The following POLR2K variants were observed in gnomAD, a reference collection of about 807,000 sequenced individuals.
POLR2K encodes the protein DNA-directed RNA polymerases I, II, and III subunit RPABC4.
In POLR2K, 9 loss-of-function variants were observed where a neutral mutation model predicts 10.1. The observed-to-expected ratio is 0.89, with a 90% confidence interval of 0.54 to 1.56. The LOEUF (loss-of-function observed/expected upper bound fraction) is 1.56. POLR2K is among the 40% of genes most tolerant of loss of function. The pLI is 0.00. For synonymous variants in POLR2K, 19 were observed against 20.3 expected, an observed-to-expected ratio of 0.94 and a Z score of 0.17; for missense variants, 53 against 71.9, an observed-to-expected ratio of 0.74 and a Z score of 0.95.
chr8:100,152,550 A>G (rs922841104), intron 3 of POLR2K, among the ~76,000 whole-genome samples: 1 of 152,182 alleles, frequency 6.6e-6, no homozygotes, highest in Non-Finnish European at 1.5e-5. Context: ...TGGGCATACA[A>G]ATTGTTCAAA....
intron 1 of POLR2K, among the ~76,000 whole-genome samples, chr8:100,150,927 G>T (rs767319725): frequency 6.6e-6 from 1 of 152,174 alleles, no homozygotes; most frequent in Non-Finnish European, 1.5e-5. Flanking sequence ...CCTGTTGAGG[G>T]ATATAATTTT....
chr8:100,152,827 G>A (rs1269386469), intron 3 of POLR2K, among the ~76,000 whole-genome samples: 9 of 151,948 alleles, frequency 5.9e-5, no homozygotes, highest in Admixed American at 5.9e-4. Context: ...GTGCAGTGAC[G>A]CAATCTCGGC....
chr8:100,153,502 C>T lies in POLR2K; in HGVS notation c.*186C>T. Reference sequence around the variant, plus strand: ...CCAAACCTTTATACACTGTTTTTTCCATATATATATACCTATGATAAAGTA... The same window carrying T: ...CCAAACCTTTATACACTGTTTTTTCTATATATATATACCTATGATAAAGTA... On this transcript the variant is annotated 3_prime_UTR_variant, in exon 4 of 4. Transcript: ENST00000353107. 6.0e-6 allele frequency: 3 copies of T among 497,416 alleles called. No individual in the cohort carries two copies. The highest frequency in any genetic ancestry group is 1.1e-5 in the Non-Finnish European group (3 of 281,964). The allele number at this position is 497,416 out of a possible 1,614,324, so 30.8% of individuals were successfully genotyped here.
intron 3 of POLR2K, among the ~76,000 whole-genome samples, chr8:100,152,400 GCTCCATCTT>G (rs1286563586): frequency 6.6e-6 from 1 of 152,188 alleles, no homozygotes; most frequent in Admixed American, 6.5e-5. Flanking sequence ...GTTTATATGT[GCTCCATCTT>G]TGACCAAAAC....
chr8:100,151,769 TTGTC>T, intron 2 of POLR2K, 51 bp from the exon 3 acceptor site: 1 of 798,354 alleles, frequency 1.3e-6, no homozygotes, highest in Non-Finnish European at 2.1e-6. Flanking sequence ...TTAAGATAAT[TTGTC>T]TGTAATATTT....
intron 3 of POLR2K, among the ~76,000 whole-genome samples, 185 bp from the exon 4 acceptor site, chr8:100,153,109 A>G (rs1015773360): frequency 2.6e-5 from 4 of 152,216 alleles, no homozygotes; most frequent in Admixed American, 6.5e-5. Flanking sequence ...AAAGGTGGTA[A>G]TAAAAATTGA....
chr8:100,153,084 GA>G lies in POLR2K; in HGVS notation c.155-209del, dbSNP rs569266211. 1.7e-3 allele frequency among the ~76,000 whole-genome samples: 254 copies of G among 152,124 alleles called. 1 individual carries two copies. The highest frequency in any genetic ancestry group is 3.1e-3 in the Non-Finnish European group (212 of 67,980). On this transcript the variant is annotated intron_variant, in intron 3 of 3. Transcript: ENST00000353107. ...CGCCTGGCCTGCTTTAGTGTTTTTT[GA>G]TACATTTTATGGAAAAGGTGGTAAT... is the stretch of plus-strand genomic sequence containing the variant.
chr8:100,153,426 C>A lies in POLR2K; in HGVS notation c.*110C>A. The A allele has an allele frequency of 1.1e-6, 1 of 906,650 alleles. No homozygotes were observed. The highest frequency in any genetic ancestry group is 1.5e-5 in the South Asian group (1 of 68,710). The allele number at this position is 906,650 out of a possible 1,614,324, so 56.2% of individuals were successfully genotyped here. On this transcript the variant is annotated 3_prime_UTR_variant, in exon 4 of 4. Transcript: ENST00000353107. ...GCTTACAGTAGTTCCCCCTTATCTT[C>A]GGGAGATACATTCCAAGGCCCCCAG...
chr8:100,151,176 A>G (rs1814912135), intron 1 of POLR2K, among the ~76,000 whole-genome samples, 171 bp from the exon 2 acceptor site: 1 of 152,170 alleles, frequency 6.6e-6, no homozygotes, highest in Admixed American at 6.5e-5. Context: ...TTTGGGGTAA[A>G]CGCTCAATAC....
At position 100,151,835 on chromosome 8, in the gene POLR2K, G is replaced by A; in HGVS notation, c.73G>A (p.Glu25Lys). Residue 25 changes from glutamate (E) to lysine (K), a missense_variant, in exon 3 of 4, where the codon GAA (glutamate) becomes AAA (lysine). By Grantham distance (56) the Glu-to-Lys change is moderately conservative (BLOSUM62 1). Transcript: ENST00000353107. ...TTTTTTAATTCTAGAGTGTCACACAGAAAATGAAATAAAATCTAGGGATCC... is the reference window on the plus strand; with the variant it reads ...TTTTTTAATTCTAGAGTGTCACACAAAAAATGAAATAAAATCTAGGGATCC... ...MIYICGECHTENEIKSRDPIR... is the reference protein window; with the variant it reads ...MIYICGECHTKNEIKSRDPIR... 6.6e-7 allele frequency: 1 copy of A among 1,523,732 alleles called. No homozygotes were observed. Among genetic ancestry groups the A allele is most frequent in the Non-Finnish European group, 9.0e-7 (1 of 1,109,954 alleles). 94.4% of individuals were successfully genotyped at this position (1,523,732 alleles called of 1,614,324 possible). A position where few individuals can be genotyped will look rare whatever the true frequency, so the allele number is the denominator to read the frequency against.
chr8:100,152,719 A>G (rs941097068), intron 3 of POLR2K, among the ~76,000 whole-genome samples: 1 of 152,176 alleles, frequency 6.6e-6, no homozygotes, highest in Non-Finnish European at 1.5e-5. Context: ...CACATTGTAA[A>G]TCGACGGATT....
In POLR2K at chr8:100,153,502, C is replaced by A; in HGVS notation, c.*186C>A. ...CCAAACCTTTATACACTGTTTTTTC[C>A]ATATATATATACCTATGATAAAGTA... On this transcript the variant is annotated 3_prime_UTR_variant, in exon 4 of 4. Transcript: ENST00000353107. 2.0e-6 allele frequency: 1 copy of A among 497,416 alleles called. No individual in the cohort carries two copies. The highest frequency in any genetic ancestry group is 3.5e-6 in the Non-Finnish European group (1 of 281,964). 30.8% of individuals were successfully genotyped at this position (497,416 alleles called of 1,614,324 possible).
Position 100,153,610 on chromosome 8 carries a change from T to G in POLR2K, c.*294T>G, listed in dbSNP as rs1814948540. The G allele has an allele frequency of 7.2e-6, 2 of 279,540 alleles. No individual in the cohort carries two copies. The highest frequency in any genetic ancestry group is 1.4e-4 in the East Asian group (2 of 14,404). The allele number at this position is 279,540 out of a possible 1,614,324, so 17.3% of individuals were successfully genotyped here. The stretch of plus-strand genomic sequence containing the variant: ...CATACTATAATAAAAGTTATGTGAA[T>G]GTGGTTGGTCTCTCTTGCTTTCAAA... On this transcript the variant is annotated 3_prime_UTR_variant, in exon 4 of 4. Coordinates refer to ENST00000353107, the MANE Select transcript of POLR2K (RefSeq NM_005034.4).
At chr8:100,152,567 G>A (rs1243602055) in intron 3 of POLR2K, among the ~76,000 whole-genome samples, 2 of 152,168 alleles carry the variant, frequency 1.3e-5, no homozygotes, top group African/African-American at 4.8e-5. Flanking sequence ...CAAATACTGA[G>A]AGTAGGCCCA....
At chr8:100,152,159 A>T in intron 3 of POLR2K, 3 of 570,876 alleles carry the variant, frequency 5.3e-6, no homozygotes, top group Non-Finnish European at 9.1e-6. Context: ...GAGGATAGGG[A>T]TACATTCTGA....
intron 3 of POLR2K, 152 bp downstream of exon 3, chr8:100,152,068 A>G (rs1814927709): frequency 4.7e-6 from 3 of 642,580 alleles, no homozygotes; most frequent in East Asian, 6.0e-5. Flanking sequence ...ACCAATGCAT[A>G]GGCTCTAAAT....
intron 2 of POLR2K, 31 bp from the exon 3 acceptor site, chr8:100,151,793 G>T (rs754481351): frequency 1.0e-6 from 1 of 984,156 alleles, no homozygotes; most frequent in Admixed American, 2.2e-5. Flanking sequence ...TTCCTCTTAG[G>T]CATTGAGTAA....
At chr8:100,151,264 T>C (rs937148707) in intron 1 of POLR2K, 83 bp from the exon 2 acceptor site, 8 of 901,134 alleles carry the variant, frequency 8.9e-6, no homozygotes, top group Non-Finnish European at 1.5e-5. Flanking sequence ...TGGATCTTTG[T>C]AGCTTTTCCT....
chr8:100,152,060 C>A (rs1325769438), intron 3 of POLR2K, 144 bp downstream of exon 3: 10 of 650,524 alleles, frequency 1.5e-5, no homozygotes, highest in Non-Finnish European at 2.5e-5. Flanking sequence ...TTTCATGGAC[C>A]AATGCATAGG....
Sources: allele counts gnomAD v4.1 joint callset (sites outside exome capture counted in the v4.1 genomes callset), GRCh38; gene constraint gnomAD v4.1.1; transcripts MANE v1.5; gene names NCBI Gene and HGNC (gene_info 2026-07-23, HGNC 2026-07-21).